Variants in TGFBR2 observed in about 807,000 individuals in gnomAD.
TGFBR2 encodes transforming growth factor beta receptor 2.
In TGFBR2, 18 loss-of-function variants were observed where a neutral mutation model predicts 49.0. The ratio of observed to expected loss-of-function variants is 0.37; its 90% CI spans 0.25 to 0.54. TGFBR2 has a LOEUF of 0.54. Ranked by LOEUF, TGFBR2 falls within the 20% of genes least tolerant of loss-of-function variation. The probability of loss-of-function intolerance (pLI) is 0.85; values close to 1 mark genes in which losing one functional copy is unlikely to be tolerated. For missense variants in TGFBR2, 525 were observed against 722.6 expected (o/e 0.73, Z 3.13); for synonymous variants, 282 against 275.9 (o/e 1.02, Z -0.22).
chr3:30,671,705 A>C lies in TGFBR2; in HGVS notation c.522A>C (p.Pro174=), dbSNP rs760268589. 1 of 1,614,148 alleles carries C rather than the reference A, an allele frequency of 6.2e-7. No individual in the cohort carries two copies. Among genetic ancestry groups the C allele is most frequent in the Admixed American group, 1.7e-5 (1 of 60,024 alleles). ...IFQVTGISLL[P]PLGVAISVII... ...AAGTGACAGGCATCAGCCTCCTGCC[A>C]CCACTGGGAGTTGCCATATCTGTCA... Residue 174 remains proline (P), a synonymous_variant, in exon 4 of 7, where the codon CCA becomes CCC. Coordinates refer to ENST00000295754, the MANE Select transcript of TGFBR2 (RefSeq NM_003242.6).
intron 3 of TGFBR2, among the ~76,000 whole-genome samples, chr3:30,656,478 T>C (rs988269499): frequency 1.4e-4 from 22 of 152,204 alleles, no homozygotes; most frequent in Non-Finnish European, 2.5e-4. Flanking sequence ...TTGAACTGGA[T>C]CAATGAAGGA....
intron 2 of TGFBR2, among the ~76,000 whole-genome samples, chr3:30,648,824 T>A (rs891593): frequency 0.27 from 40,316 of 152,022 alleles, 5,554 homozygotes; most frequent in Non-Finnish European, 0.29. Flanking sequence ...CTGCCTGGAT[T>A]GTCCTAACCC....
intron 3 of TGFBR2, among the ~76,000 whole-genome samples, chr3:30,654,986 A>T (rs1312982317): frequency 2.0e-5 from 3 of 152,168 alleles, no homozygotes; most frequent in African/African-American, 7.2e-5. Flanking sequence ...AATGAGCTAG[A>T]TCTCCTGGAT....
intron 1 of TGFBR2, among the ~76,000 whole-genome samples, chr3:30,629,877 T>A (rs1269764741): frequency 6.6e-6 from 1 of 152,176 alleles, no homozygotes; most frequent in African/African-American, 2.4e-5. Flanking sequence ...AATGTGATAT[T>A]TGAGCAGTAA....
chr3:30,620,155 C>T (rs889849523), intron 1 of TGFBR2, among the ~76,000 whole-genome samples: 11 of 152,168 alleles, frequency 7.2e-5, no homozygotes, highest in African/African-American at 2.7e-4. Context: ...CCACTGCACT[C>T]CAGCCTAGGC....
intron 6 of TGFBR2, among the ~76,000 whole-genome samples, chr3:30,689,052 C>G (rs1193469208): frequency 1.3e-5 from 2 of 152,178 alleles, no homozygotes; most frequent in Non-Finnish European, 2.9e-5. Flanking sequence ...AGACCGACTC[C>G]TCACTCTGGA....
chr3:30,676,564 T>C lies in TGFBR2; in HGVS notation c.1396+2318T>C, dbSNP rs1285630913. On this transcript the variant is annotated intron_variant, in intron 5 of 6. Transcript: ENST00000295754. The surrounding 1 kb of genome is among the most constrained non-coding windows in gnomAD (Gnocchi z 4.3). Reference sequence around the variant, plus strand: ...TTTGTTTCATTATATGAGTATCCAGTATTGTCATTATTTATTTTGTTGCTC... The same window carrying C: ...TTTGTTTCATTATATGAGTATCCAGCATTGTCATTATTTATTTTGTTGCTC... Among the ~76,000 whole-genome samples, 1 of 152,234 alleles carries C rather than the reference T, an allele frequency of 6.6e-6. No homozygotes were observed. The highest frequency in any genetic ancestry group is 1.5e-5 in the Non-Finnish European group (1 of 68,034).
intron 1 of TGFBR2, among the ~76,000 whole-genome samples, chr3:30,611,699 T>C (rs922061206): frequency 2.0e-5 from 3 of 152,102 alleles, no homozygotes; most frequent in Non-Finnish European, 1.5e-5. Context: ...TTTTGGTTTA[T>C]AAGGGTGAAG....
At chr3:30,611,861 G>T (rs1359487457) in intron 1 of TGFBR2, among the ~76,000 whole-genome samples, 2 of 152,036 alleles carry the variant, frequency 1.3e-5, no homozygotes, top group East Asian at 3.9e-4. Flanking sequence ...GGCATTATTT[G>T]GCCAAGTTCC....
In TGFBR2 at chr3:30,606,613, G is replaced by A. The variant is rs1697922854; in HGVS notation, c.-271G>A. ...AGTTGAGTGAGTCACTCGCGCGCAC[G>A]GAGCGACGACACCCCCGCGCGTGCA... On this transcript the variant is annotated 5_prime_UTR_variant, in exon 1 of 7. Coordinates refer to ENST00000295754, the MANE Select transcript of TGFBR2 (RefSeq NM_003242.6). 2.8e-6 allele frequency: 1 copy of A among 353,078 alleles called. No individual in the cohort carries two copies. Among genetic ancestry groups the A allele is most frequent in the Admixed American group, 4.7e-5 (1 of 21,118 alleles). 21.9% of individuals were successfully genotyped at this position (353,078 alleles called of 1,614,324 possible). A position where few individuals can be genotyped will look rare whatever the true frequency, so the allele number is the denominator to read the frequency against.
At chr3:30,624,955 G>A (rs1250493229) in intron 1 of TGFBR2, among the ~76,000 whole-genome samples, 1 of 152,008 alleles carries the variant, frequency 6.6e-6, no homozygotes, top group African/African-American at 2.4e-5. Flanking sequence ...AACAATGACT[G>A]GGTTCATGGA....
chr3:30,644,446 G>A (rs1698693835), intron 1 of TGFBR2, among the ~76,000 whole-genome samples: 1 of 152,144 alleles, frequency 6.6e-6, no homozygotes, highest in Non-Finnish European at 1.5e-5. Flanking sequence ...GGCCCATCTA[G>A]GTTTCTTTAT....
chr3:30,692,398 A>T lies in TGFBR2; in HGVS notation c.*799A>T, dbSNP rs886058315. On this transcript the variant is annotated 3_prime_UTR_variant, in exon 7 of 7. Coordinates refer to ENST00000295754, the MANE Select transcript of TGFBR2 (RefSeq NM_003242.6). ...CATCTTTAATACCTTGAATGTTTTG[A>T]ACCCCACTTTTTACCTTCATGGGTT... 8.6e-6 allele frequency: 2 copies of T among 231,264 alleles called. No homozygotes were observed. The highest frequency in any genetic ancestry group is 5.6e-5 in the Admixed American group (1 of 17,702). The allele number at this position is 231,264 out of a possible 1,614,324, so 14.3% of individuals were successfully genotyped here.
At position 30,647,992 on chromosome 3, in the gene TGFBR2, A is replaced by G. The variant is rs566324726; in HGVS notation, c.264-2278A>G. On this transcript the variant is annotated intron_variant, in intron 2 of 6. Transcript: ENST00000295754. The stretch of plus-strand genomic sequence containing the variant: ...GTGCCCAGCCTCCAAAATTAATTTT[A>G]TCATGTTGGTTCTTCTTTCAGTGGA... Among the ~76,000 whole-genome samples the G allele has an allele frequency of 1.5e-4, 23 of 152,298 alleles. No individual in the cohort carries two copies. The East Asian group carries it at 4.0e-3, about 27-fold the overall frequency.
rs976611202 is a variant in TGFBR2 at position 30,691,334 on chromosome 3, A to T, written c.1525-86A>T. The T allele has an allele frequency of 6.8e-6, 10 of 1,476,840 alleles. No individual in the cohort carries two copies. In the African/African-American group the frequency reaches 6.9e-5, roughly 10 times the overall value. 91.5% of individuals were successfully genotyped at this position (1,476,840 alleles called of 1,614,324 possible). ...GCACTTTTGGACCCTGCTTGCACTCACTATAGCAACAAGGTCAGCAGGCCA... is the reference window on the plus strand; with the variant it reads ...GCACTTTTGGACCCTGCTTGCACTCTCTATAGCAACAAGGTCAGCAGGCCA... On this transcript the variant is annotated intron_variant, in intron 6 of 6. Coordinates refer to ENST00000295754, the MANE Select transcript of TGFBR2 (RefSeq NM_003242.6).
intron 3 of TGFBR2, among the ~76,000 whole-genome samples, chr3:30,660,451 T>G (rs1699099825): frequency 6.6e-6 from 1 of 152,204 alleles, no homozygotes; most frequent in South Asian, 2.1e-4. Context: ...CAAGATATTT[T>G]AATATGCAGC....
Position 30,691,660 on chromosome 3 carries a change from G to A in TGFBR2, c.*61G>A. On this transcript the variant is annotated 3_prime_UTR_variant, in exon 7 of 7. Transcript: ENST00000295754. ...CTGCCCCTCTCACCAAAGAACAGAGGCAGCAGGAAGCTGCCCCTGAACTGA... is the reference window on the plus strand; with the variant it reads ...CTGCCCCTCTCACCAAAGAACAGAGACAGCAGGAAGCTGCCCCTGAACTGA... The A allele has an allele frequency of 6.2e-7, 1 of 1,600,568 alleles. No homozygotes were observed. The highest frequency in any genetic ancestry group is 8.6e-7 in the Non-Finnish European group (1 of 1,168,556).
intron 1 of TGFBR2, among the ~76,000 whole-genome samples, chr3:30,634,435 T>A (rs2043139): frequency 0.023 from 3,440 of 152,316 alleles, 140 homozygotes; most frequent in African/African-American, 0.079. Context: ...CGTGCATTTT[T>A]AAAAATTCCC....
Position 30,606,756 on chromosome 3 carries a change from C to G in TGFBR2, c.-128C>G, listed in dbSNP as rs2306856. 32,147 of 639,490 alleles carry G rather than the reference C, an allele frequency of 0.05. 3,093 individuals are homozygous for G. The highest frequency in any genetic ancestry group is 0.32 in the African/African-American group (16,671 of 52,690). The allele number at this position is 639,490 out of a possible 1,614,324, so 39.6% of individuals were successfully genotyped here. ...TGGCGAGCGGGCGCCACATCTGGCCCGCACATCTGCGCTGCCGGCCCGGCG... is the reference window on the plus strand; with the variant it reads ...TGGCGAGCGGGCGCCACATCTGGCCGGCACATCTGCGCTGCCGGCCCGGCG... On this transcript the variant is annotated 5_prime_UTR_variant, in exon 1 of 7. Transcript: ENST00000295754.
Sources: allele counts gnomAD v4.1 joint callset (sites outside exome capture counted in the v4.1 genomes callset), GRCh38; gene constraint gnomAD v4.1.1; non-coding constraint Gnocchi (gnomAD v3.1); transcripts MANE v1.5; gene names NCBI Gene and HGNC (gene_info 2026-07-23, HGNC 2026-07-21).